The following HMCN2 variants were observed in gnomAD, a reference collection of about 807,000 sequenced individuals.
HMCN2 encodes the protein hemicentin 2, also known as hemicentin-2.
In HMCN2, 325 loss-of-function variants were observed where a neutral mutation model predicts 377.5. The observed-to-expected ratio is 0.86, with a 90% CI of 0.79 to 0.94. The LOEUF (loss-of-function observed/expected upper bound fraction) is 0.94. HMCN2 is among the 40% of genes least tolerant of loss of function. The pLI, the probability that HMCN2 is intolerant of heterozygous loss-of-function variation, is 0.00. For missense variants in HMCN2, 4,543 were observed against 4,725.3 expected, an observed-to-expected ratio of 0.96 and a Z score of 1.13; for synonymous variants, 2,007 against 2,046.8, an observed-to-expected ratio of 0.98 and a Z score of 0.53.
At chr9:130,366,032 C>T (rs770735861) in intron 43 of HMCN2, 37 bp downstream of exon 43, 301 of 985,704 alleles carry the variant, frequency 3.1e-4, no homozygotes, top group Non-Finnish European at 3.5e-4. Context: ...CACCTCATTG[C>T]CAGGCACAAG....
intron 85 of HMCN2, among the ~76,000 whole-genome samples, chr9:130,415,153 T>C (rs1391282005): frequency 6.6e-6 from 1 of 152,070 alleles, no homozygotes; most frequent in Non-Finnish European, 1.5e-5. Context: ...CAGAAGTGAG[T>C]GGCACCTCCT....
intron 15 of HMCN2, among the ~76,000 whole-genome samples, chr9:130,316,038 C>T (rs1837544570): frequency 1.3e-5 from 2 of 152,310 alleles, no homozygotes; most frequent in Admixed American, 6.5e-5. Flanking sequence ...GGCAAAGCCA[C>T]GGTCCAGCCT....
chr9:130,399,457 C>T, intron 75 of HMCN2, 54 bp from the exon 76 acceptor site: 2 of 1,222,772 alleles, frequency 1.6e-6, no homozygotes, highest in Non-Finnish European at 2.1e-6. Context: ...CAGAAAGCCA[C>T]AGCTGGTCTC....
chr9:130,286,354 G>C (rs1554927754), intron 4 of HMCN2, 44 bp downstream of exon 4: 2 of 467,678 alleles, frequency 4.3e-6, no homozygotes, highest in African/African-American at 4.0e-5. Flanking sequence ...CATCACTCGG[G>C]CACGGTGAGG....
chr9:130,277,533 A>G (rs7870567), intron 1 of HMCN2, among the ~76,000 whole-genome samples: 121,036 of 152,100 alleles, frequency 0.8, 48,502 homozygotes, highest in East Asian at 0.9. Context: ...TTACTTCCCC[A>G]AGCCTCCATT....
chr9:130,304,259 T>C lies in HMCN2; in HGVS notation c.1544-471T>C, dbSNP rs1836711253. On this transcript the variant is annotated intron_variant, in intron 10 of 97. Transcript: ENST00000683500. This position sits in a 1 kb window ranked among gnomAD's most constrained non-coding sequence, Gnocchi z 4.3. ...TCTGATCTTGCCACTTCTTGTGGCTTTTTGCTATCCAGATAGCAGTTTGCT... is the reference window on the plus strand; with the variant it reads ...TCTGATCTTGCCACTTCTTGTGGCTCTTTGCTATCCAGATAGCAGTTTGCT... Among the ~76,000 whole-genome samples the C allele has an allele frequency of 6.6e-6, 1 of 152,238 alleles. No individual in the cohort carries two copies. Among genetic ancestry groups the C allele is most frequent in the Admixed American group, 6.5e-5 (1 of 15,286 alleles).
chr9:130,391,183 C>G, intron 63 of HMCN2, 21 bp from the exon 64 acceptor site: 1 of 988,036 alleles, frequency 1.0e-6, no homozygotes, highest in Non-Finnish European at 1.2e-6. Flanking sequence ...CACCCAGGGC[C>G]TCACTGCACC....
chr9:130,384,867 C>T lies in HMCN2; in HGVS notation c.9106+69C>T, dbSNP rs915030263. ...CAGTCACCCCTCAGCCCATACTCCCCCAGAGAACATAGACAGGAGAGGGCC... is the reference window on the plus strand; with the variant it reads ...CAGTCACCCCTCAGCCCATACTCCCTCAGAGAACATAGACAGGAGAGGGCC... On this transcript the variant is annotated intron_variant, in intron 59 of 97. Coordinates refer to ENST00000683500, the MANE Select transcript of HMCN2 (RefSeq NM_001291815.2). 6 of 1,045,166 alleles carry T rather than the reference C, an allele frequency of 5.7e-6. No homozygotes were observed. In the African/African-American group the frequency reaches 8.2e-5, roughly 14 times the overall value. The allele number at this position is 1,045,166 out of a possible 1,614,324, so 64.7% of individuals were successfully genotyped here.
At position 130,393,319 on chromosome 9, in the gene HMCN2, AG is replaced by A; in HGVS notation, c.10234+15del. ...ACCTTGCAGGTGCAGGGTATGGAGC[AG>A]GGGGTGGGGCAAGGGGGTCTCTGGC... On this transcript the variant is annotated intron_variant, in intron 67 of 97. Coordinates refer to ENST00000683500, the MANE Select transcript of HMCN2 (RefSeq NM_001291815.2). This position sits in a 1 kb window ranked among gnomAD's most constrained non-coding sequence, Gnocchi z 5.2. The A allele has an allele frequency of 1.0e-6, 1 of 988,788 alleles. No homozygotes were observed. The highest frequency in any genetic ancestry group is 4.7e-5 in the South Asian group (1 of 21,502). 61.3% of individuals were successfully genotyped at this position (988,788 alleles called of 1,614,324 possible).
At chr9:130,270,728 G>C (rs1171134137) in intron 1 of HMCN2, among the ~76,000 whole-genome samples, 1 of 148,848 alleles carries the variant, frequency 6.7e-6, no homozygotes, top group Non-Finnish European at 1.5e-5. Context: ...TGGGACTACA[G>C]GTGCACACCA....
chr9:130,384,679 C>A lies in HMCN2; in HGVS notation c.8993-6C>A. 1 of 1,302,224 alleles carries A rather than the reference C, an allele frequency of 7.7e-7. No individual in the cohort carries two copies. The highest frequency in any genetic ancestry group is 1.2e-5 in the South Asian group (1 of 81,010). The allele number at this position is 1,302,224 out of a possible 1,614,324, so 80.7% of individuals were successfully genotyped here. A position where few individuals can be genotyped will look rare whatever the true frequency, so the allele number is the denominator to read the frequency against. ...GCTGGTGTGAGGGGCTGGCTTCCCC[C>A]GGCAGGCACCCACACGCTGCAGCTG... is the stretch of plus-strand genomic sequence containing the variant. On this transcript the variant is annotated splice_polypyrimidine_tract_variant and splice_region_variant and intron_variant, in intron 58 of 97. Coordinates refer to ENST00000683500, the MANE Select transcript of HMCN2 (RefSeq NM_001291815.2).
intron 23 of HMCN2, among the ~76,000 whole-genome samples, chr9:130,340,665 C>T (rs1194189557): frequency 6.6e-6 from 1 of 152,120 alleles, no homozygotes; most frequent in South Asian, 2.1e-4. Flanking sequence ...ATTACAGGTG[C>T]GCGCCACCAC....
At chr9:130,324,415 G>A (rs1838016832) in intron 19 of HMCN2, among the ~76,000 whole-genome samples, 1 of 152,170 alleles carries the variant, frequency 6.6e-6, no homozygotes, top group Non-Finnish European at 1.5e-5. Flanking sequence ...CTCAGCGGAA[G>A]GTACAGAGAT....
chr9:130,382,552 G>A (rs1841786139), intron 55 of HMCN2, 127 bp from the exon 56 acceptor site: 2 of 225,820 alleles, frequency 8.9e-6, no homozygotes, highest in Middle Eastern at 2.1e-3. Flanking sequence ...GGGATTGGGA[G>A]GGCTTGGAGA....
chr9:130,355,862 T>C lies in HMCN2; in HGVS notation c.5255+8T>C, dbSNP rs995433329. 164 of 1,285,162 alleles carry C rather than the reference T, an allele frequency of 1.3e-4. No homozygotes were observed. Among genetic ancestry groups the C allele is most frequent in the Non-Finnish European group, 1.6e-4 (153 of 972,428 alleles). 79.6% of individuals were successfully genotyped at this position (1,285,162 alleles called of 1,614,324 possible). A position where few individuals can be genotyped will look rare whatever the true frequency, so the allele number is the denominator to read the frequency against. The stretch of plus-strand genomic sequence containing the variant: ...CCCAGTACCCACTATCCAGTGAGTC[T>C]GGGGTGGTGGAGGCCAGGGCTGGGG... On this transcript the variant is annotated splice_region_variant and intron_variant, in intron 33 of 97. Coordinates refer to ENST00000683500, the MANE Select transcript of HMCN2 (RefSeq NM_001291815.2).
Position 130,358,425 on chromosome 9 carries a change from C to G in HMCN2, c.5616C>G (p.Tyr1872Ter), listed in dbSNP as rs977681544. ...EKVDLRDEGI[Y>*]TCAATNLAGE... Reference sequence around the variant, plus strand: ...TGGACCTGAGGGACGAGGGCATCTACACTTGTGCTGCTACCAACCTGGCTG... The same window carrying G: ...TGGACCTGAGGGACGAGGGCATCTAGACTTGTGCTGCTACCAACCTGGCTG... The change falls in exon 36 of 98, where the codon TAC (tyrosine) becomes TAG (stop). Residue 1872 changes from tyrosine (Y) to a stop codon, truncating the protein, a stop_gained. Coordinates refer to ENST00000683500, the MANE Select transcript of HMCN2 (RefSeq NM_001291815.2). LOFTEE classifies it high-confidence loss of function. 9 of 1,304,260 alleles carry G rather than the reference C, an allele frequency of 6.9e-6. No homozygotes were observed. The highest frequency in any genetic ancestry group is 8.1e-6 in the Non-Finnish European group (8 of 988,968). 80.8% of individuals were successfully genotyped at this position (1,304,260 alleles called of 1,614,324 possible). A position where few individuals can be genotyped will look rare whatever the true frequency, so the allele number is the denominator to read the frequency against.
At chr9:130,325,497 A>G (rs1315619101) in intron 19 of HMCN2, 98 bp from the exon 20 acceptor site, 1 of 152,276 alleles carries the variant, frequency 6.6e-6, no homozygotes, top group African/African-American at 2.4e-5. Flanking sequence ...CTGTGTGCCC[A>G]TGCATCGCTG....
chr9:130,334,163 A>G (rs941350703), intron 22 of HMCN2, among the ~76,000 whole-genome samples: 1 of 152,174 alleles, frequency 6.6e-6, no homozygotes, highest in Non-Finnish European at 1.5e-5. Flanking sequence ...TGTGCCAAGG[A>G]GGGCTGGTGA....
chr9:130,328,192 C>T (rs1838247428), intron 22 of HMCN2, among the ~76,000 whole-genome samples: 2 of 152,244 alleles, frequency 1.3e-5, no homozygotes, highest in African/African-American at 4.8e-5. Context: ...TTTGGTGAGT[C>T]CTGCCAATCC....
Sources: gnomAD v4.1 joint callset for allele counts (sites outside exome capture counted in the v4.1 genomes callset) on GRCh38, gnomAD v4.1.1 for gene constraint, Gnocchi (gnomAD v3.1) non-coding constraint, MANE v1.5 for transcripts, NCBI Gene and HGNC (gene_info 2026-07-23, HGNC 2026-07-21) for gene names.